Variants in SYNDIG1 observed in about 807,000 individuals in gnomAD.
The protein encoded by SYNDIG1 is synapse differentiation-inducing gene protein 1.
Under a neutral mutation model 19.4 loss-of-function variants are expected in SYNDIG1, and 9 were observed. The ratio of observed to expected loss-of-function variants is 0.46; its 90% CI spans 0.28 to 0.81. The LOEUF (loss-of-function observed/expected upper bound fraction) is 0.81. SYNDIG1 is among the 30% of genes least tolerant of loss of function. SYNDIG1 has a pLI of 0.12. For synonymous variants in SYNDIG1, 141 were observed against 145.9 expected, an observed-to-expected ratio of 0.97 and a Z score of 0.24; for missense variants, 311 against 343.3, an observed-to-expected ratio of 0.91 and a Z score of 0.74.
chr20:24,504,525 T>TCAC (rs2086196451), intron 1 of SYNDIG1, among the ~76,000 whole-genome samples: 1 of 151,996 alleles, frequency 6.6e-6, no homozygotes, highest in Non-Finnish European at 1.5e-5. Context: ...TCACCCTGGC[T>TCAC]CTAGGTCTCC....
chr20:24,588,268 G>C (rs1336624980), intron 3 of SYNDIG1, among the ~76,000 whole-genome samples: 1 of 152,202 alleles, frequency 6.6e-6, no homozygotes, highest in Admixed American at 6.5e-5. Flanking sequence ...CCAGGTGCTG[G>C]GGGTCCAGAG....
At chr20:24,523,153 T>C (rs2057041881) in intron 1 of SYNDIG1, among the ~76,000 whole-genome samples, 2 of 152,234 alleles carry the variant, frequency 1.3e-5, no homozygotes, top group Admixed American at 1.3e-4. Context: ...AAGTCAGGCT[T>C]CCTGGCTGTG....
intron 2 of SYNDIG1, among the ~76,000 whole-genome samples, chr20:24,581,643 G>C (rs2058324950): frequency 6.6e-6 from 1 of 152,122 alleles, no homozygotes; most frequent in Non-Finnish European, 1.5e-5. Context: ...GGCCGTGTGT[G>C]ATGAGGTGCA....
chr20:24,485,668 A>G (rs1273137173), intron 1 of SYNDIG1, among the ~76,000 whole-genome samples: 1 of 152,228 alleles, frequency 6.6e-6, no homozygotes, highest in Non-Finnish European at 1.5e-5. Context: ...GTGTGTGTAT[A>G]CAACGTAGAA....
At chr20:24,531,665 A>T (rs1402593411) in intron 1 of SYNDIG1, among the ~76,000 whole-genome samples, 1 of 152,192 alleles carries the variant, frequency 6.6e-6, no homozygotes, top group Non-Finnish European at 1.5e-5. Context: ...GAGTAATCAA[A>T]ATTTCTTCAT....
chr20:24,513,555 C>G (rs1012880505), intron 1 of SYNDIG1, among the ~76,000 whole-genome samples: 1 of 151,990 alleles, frequency 6.6e-6, no homozygotes, highest in Non-Finnish European at 1.5e-5. Context: ...TGAAATGAAG[C>G]GAGAAGAGAA....
chr20:24,553,670 TC>T (rs1668308680), intron 2 of SYNDIG1, among the ~76,000 whole-genome samples: 2 of 152,220 alleles, frequency 1.3e-5, no homozygotes, highest in Non-Finnish European at 2.9e-5. Flanking sequence ...TTCATCTATA[TC>T]TCTGATTTGG....
At chr20:24,567,872 G>A (rs1489539322) in intron 2 of SYNDIG1, among the ~76,000 whole-genome samples, 5 of 152,362 alleles carry the variant, frequency 3.3e-5, no homozygotes, top group Non-Finnish European at 5.9e-5. Context: ...GGTGGCTCAC[G>A]CCTGTAATCA....
intron 2 of SYNDIG1, among the ~76,000 whole-genome samples, chr20:24,571,636 CTT>C (rs1455785343): frequency 1.3e-5 from 2 of 152,110 alleles, no homozygotes; most frequent in African/African-American, 4.8e-5. Flanking sequence ...TAAATACATG[CTT>C]TTCTTTCAAC....
chr20:24,662,287 A>G (rs1276675170), intron 3 of SYNDIG1, among the ~76,000 whole-genome samples: 1 of 151,870 alleles, frequency 6.6e-6, no homozygotes, highest in African/African-American at 2.4e-5. Context: ...TGTCATTGCT[A>G]TGGCGCAAGT....
At chr20:24,493,393 C>T (rs993777956) in intron 1 of SYNDIG1, among the ~76,000 whole-genome samples, 2 of 152,144 alleles carry the variant, frequency 1.3e-5, no homozygotes, top group Admixed American at 6.5e-5. Flanking sequence ...CACACACAGA[C>T]ATGCACGGGC....
intron 2 of SYNDIG1, among the ~76,000 whole-genome samples, chr20:24,560,795 C>T (rs1371326151): frequency 1.4e-5 from 2 of 144,268 alleles, no homozygotes; most frequent in African/African-American, 2.6e-5. Flanking sequence ...AACTAGACAA[C>T]TTGAATGATA....
At chr20:24,644,445 C>T (rs181305488) in intron 3 of SYNDIG1, among the ~76,000 whole-genome samples, 22 of 152,322 alleles carry the variant, frequency 1.4e-4, no homozygotes, top group Admixed American at 1.0e-3. Flanking sequence ...CACTGGGATG[C>T]ACTTAGTGCC....
At chr20:24,500,470 ATTCTTTTCTTTCTTTC>A (rs915497246) in intron 1 of SYNDIG1, among the ~76,000 whole-genome samples, 1 of 144,458 alleles carries the variant, frequency 6.9e-6, no homozygotes, top group Non-Finnish European at 1.5e-5. Flanking sequence ...ACAAAAGCAG[ATTCTTTTCTTTCTTTC>A]TTTCTTTCTT....
Position 24,625,997 on chromosome 20 carries a change from C to T in SYNDIG1, c.619-39349C>T, listed in dbSNP as rs1438462442. Among the ~76,000 whole-genome samples the T allele has an allele frequency of 1.3e-5, 2 of 149,186 alleles. 1 individual carries two copies. Among genetic ancestry groups the T allele is most frequent in the South Asian group, 4.3e-4 (2 of 4,690 alleles). On this transcript the variant is annotated intron_variant, in intron 3 of 3. Transcript: ENST00000376862. ...GGCGGCTGGCCAGGCGGGGGGCTGG[C>T]CCCCCCACCTCCCTCCCGGACGGGG...
rs1035435067 is a variant in SYNDIG1 at position 24,543,058 on chromosome 20, C to T, written c.-40C>T. On this transcript the variant is annotated 5_prime_UTR_variant, in exon 2 of 4. Transcript: ENST00000376862. ...CCTGAGGCAAGTGTAACCTACATTC[C>T]CAGCCCACCAGCCTGACGCCCAGCC... 5 of 1,589,196 alleles carry T rather than the reference C, an allele frequency of 3.1e-6. No homozygotes were observed. Among genetic ancestry groups the T allele is most frequent in the Non-Finnish European group, 4.3e-6 (5 of 1,164,634 alleles).
intron 1 of SYNDIG1, among the ~76,000 whole-genome samples, chr20:24,518,055 C>T (rs2146520858): frequency 6.6e-6 from 1 of 151,944 alleles, no homozygotes; most frequent in South Asian, 2.1e-4. Flanking sequence ...ATCCACCTGC[C>T]TCAGCTTCCC....
chr20:24,644,024 A>G (rs564080044), intron 3 of SYNDIG1, among the ~76,000 whole-genome samples: 66 of 152,284 alleles, frequency 4.3e-4, no homozygotes, highest in Non-Finnish European at 8.8e-4. Flanking sequence ...TAGACTTTCT[A>G]TGCCAAAGAA....
At chr20:24,542,964 T>G in intron 1 of SYNDIG1, 56 bp from the exon 2 acceptor site, 4 of 1,353,126 alleles carry the variant, frequency 3.0e-6, no homozygotes, top group Non-Finnish European at 4.0e-6. Flanking sequence ...GTCTGGGTGA[T>G]TAGCTTGTTT....
Sources: allele counts gnomAD v4.1 joint callset (sites outside exome capture counted in the v4.1 genomes callset), GRCh38; gene constraint gnomAD v4.1.1; transcripts MANE v1.5; gene names NCBI Gene and HGNC (gene_info 2026-07-23, HGNC 2026-07-21).